THSD7B: variants seen among roughly 807,000 people sequenced by gnomAD.
THSD7B encodes thrombospondin type-1 domain-containing protein 7B.
A neutral mutation model predicts 213.6 loss-of-function variants in THSD7B; 138 were observed. The ratio of observed to expected loss-of-function variants is 0.65; its 90% CI spans 0.56 to 0.74. The LOEUF is 0.74. THSD7B is among the 30% of genes least tolerant of loss of function. The probability of loss-of-function intolerance (pLI) is 0.00; values close to 1 mark genes in which losing one functional copy is unlikely to be tolerated. For missense variants in THSD7B, 1,931 were observed against 1,991.5 expected (o/e 0.97, Z 0.58); for synonymous variants, 742 against 687.0 (o/e 1.08, Z -1.25).
intron 15 of THSD7B, among the ~76,000 whole-genome samples, chr2:137,487,374 C>CAAAAAA (rs35759254): frequency 3.6e-4 from 12 of 33,126 alleles, no homozygotes; most frequent in Admixed American, 5.1e-4. Flanking sequence ...GACTCCGTCT[C>CAAAAAA]AAAAAAAAAA....
At chr2:137,377,450 A>G (rs1685681765) in intron 12 of THSD7B, among the ~76,000 whole-genome samples, 2 of 152,144 alleles carry the variant, frequency 1.3e-5, no homozygotes, top group Non-Finnish European at 2.9e-5. Flanking sequence ...ACTTTTGGGA[A>G]AATCATTTTT....
chr2:137,597,386 C>A (rs1204704513), intron 17 of THSD7B, among the ~76,000 whole-genome samples: 3 of 151,386 alleles, frequency 2.0e-5, no homozygotes, highest in Non-Finnish European at 2.9e-5. Context: ...AATGCATTGG[C>A]TGTATGAGCC....
At chr2:136,926,817 G>T (rs1684536436) in intron 2 of THSD7B, among the ~76,000 whole-genome samples, 1 of 152,124 alleles carries the variant, frequency 6.6e-6, no homozygotes, top group Admixed American at 6.5e-5. Flanking sequence ...CAAGCTGGCT[G>T]TATTAATAGA....
Position 137,075,723 on chromosome 2 carries a change from A to G in THSD7B, c.950+18493A>G, listed in dbSNP as rs1687606890. On this transcript the variant is annotated intron_variant, in intron 3 of 27. Transcript: ENST00000409968. ...TTTTCCCATCTTTGTGGTTTTATCT[A>G]CCTTTGGTCTTTGATGATGGTGACA... Among the ~76,000 whole-genome samples the G allele has an allele frequency of 2.0e-5, 3 of 151,826 alleles. No individual in the cohort carries two copies. In the South Asian group the frequency reaches 6.2e-4, roughly 31 times the overall value.
chr2:136,841,810 A>T (rs1356925463), intron 1 of THSD7B, among the ~76,000 whole-genome samples: 1 of 152,148 alleles, frequency 6.6e-6, no homozygotes, highest in East Asian at 1.9e-4. Context: ...ACGAATCTGG[A>T]TCTCAGACTA....
Position 137,677,299 on chromosome 2 carries a change from G to A in THSD7B, c.*694G>A, listed in dbSNP as rs190601447. On this transcript the variant is annotated 3_prime_UTR_variant, in exon 28 of 28. Transcript: ENST00000409968. Reference sequence around the variant, plus strand: ...TTTCTGAAGGGAATGTGTACTGAATGTTAGAGTGTACAAATGAAATATGTG... The same window carrying A: ...TTTCTGAAGGGAATGTGTACTGAATATTAGAGTGTACAAATGAAATATGTG... 6.6e-6 allele frequency: 1 copy of A among 152,614 alleles called. No individual in the cohort carries two copies. Among genetic ancestry groups the A allele is most frequent in the Non-Finnish European group, 1.5e-5 (1 of 68,058 alleles). The allele number at this position is 152,614 out of a possible 1,614,324, so 9.5% of individuals were successfully genotyped here.
chr2:137,672,348 C>T (rs1480371706), intron 27 of THSD7B, among the ~76,000 whole-genome samples: 1 of 152,152 alleles, frequency 6.6e-6, no homozygotes, highest in African/African-American at 2.4e-5. Context: ...TTGCCTCTCC[C>T]TAGAGTTTGC....
intron 9 of THSD7B, among the ~76,000 whole-genome samples, chr2:137,237,513 G>T (rs771336055): frequency 6.6e-6 from 1 of 152,108 alleles, no homozygotes; most frequent in Admixed American, 6.5e-5. Context: ...GATTTTTAAG[G>T]CACGATACAA....
chr2:137,577,741 G>A (rs1435235532), intron 17 of THSD7B, among the ~76,000 whole-genome samples: 1 of 151,112 alleles, frequency 6.6e-6, no homozygotes, highest in East Asian at 1.9e-4. Context: ...ATCTTCCTAA[G>A]AGAGAATGAT....
chr2:137,501,510 A>G (rs1277996972), intron 15 of THSD7B, among the ~76,000 whole-genome samples: 1 of 152,158 alleles, frequency 6.6e-6, no homozygotes, highest in African/African-American at 2.4e-5. Flanking sequence ...GTTTTATACT[A>G]TGACATATTA....
At chr2:137,249,903 G>A (rs973925212) in intron 10 of THSD7B, among the ~76,000 whole-genome samples, 1 of 152,164 alleles carries the variant, frequency 6.6e-6, no homozygotes, top group Non-Finnish European at 1.5e-5. Context: ...ACATTAATTT[G>A]ACATGTGCTA....
At chr2:137,316,407 A>C (rs1305944783) in intron 12 of THSD7B, among the ~76,000 whole-genome samples, 1 of 152,252 alleles carries the variant, frequency 6.6e-6, no homozygotes, top group Admixed American at 6.5e-5. Context: ...ATTTTTGTAC[A>C]TATTTCCCAA....
chr2:136,831,480 G>C (rs1158952145), intron 1 of THSD7B, among the ~76,000 whole-genome samples: 1 of 152,132 alleles, frequency 6.6e-6, no homozygotes, highest in Non-Finnish European at 1.5e-5. Context: ...CCTCCCAGAG[G>C]CATTGTGTCT....
At chr2:136,923,116 A>G (rs1022039235) in intron 2 of THSD7B, among the ~76,000 whole-genome samples, 6 of 151,702 alleles carry the variant, frequency 4.0e-5, no homozygotes, top group Non-Finnish European at 8.8e-5. Context: ...TTCCCCTCCT[A>G]CCTCCCCACC....
intron 20 of THSD7B, among the ~76,000 whole-genome samples, chr2:137,621,287 A>G (rs780973150): frequency 6.6e-6 from 1 of 152,182 alleles, no homozygotes; most frequent in Non-Finnish European, 1.5e-5. Context: ...TTACATATAT[A>G]TTAGACAAAA....
chr2:137,495,595 C>T (rs1679542972), intron 15 of THSD7B, among the ~76,000 whole-genome samples: 1 of 152,042 alleles, frequency 6.6e-6, no homozygotes, highest in Non-Finnish European at 1.5e-5. Context: ...ATTTAAAAGA[C>T]CCAACACTCA....
Position 137,294,397 on chromosome 2 carries a change from A to T in THSD7B, c.2500+18371A>T, listed in dbSNP as rs545502410. ...CAAGAGTTCGAGACCAGCCTGGCCAACATGGTGAAACCCCGTCTCTAATAA... is the reference window on the plus strand; with the variant it reads ...CAAGAGTTCGAGACCAGCCTGGCCATCATGGTGAAACCCCGTCTCTAATAA... On this transcript the variant is annotated intron_variant, in intron 12 of 27. Coordinates refer to ENST00000409968, the MANE Select transcript of THSD7B (RefSeq NM_001316349.2). Among the ~76,000 whole-genome samples the T allele has an allele frequency of 2.0e-3, 311 of 152,072 alleles. 3 individuals are homozygous for T. The highest frequency in any genetic ancestry group is 7.1e-3 in the African/African-American group (294 of 41,504).
At chr2:137,128,653 A>G (rs1400741768) in intron 5 of THSD7B, among the ~76,000 whole-genome samples, 2 of 152,216 alleles carry the variant, frequency 1.3e-5, no homozygotes, top group East Asian at 3.9e-4. Context: ...TGTCAGTTGC[A>G]GGCCTAGGGC....
intron 12 of THSD7B, among the ~76,000 whole-genome samples, chr2:137,370,550 C>A (rs527706506): frequency 6.6e-6 from 1 of 152,296 alleles, no homozygotes; most frequent in Non-Finnish European, 1.5e-5. Flanking sequence ...CTCACTGCAA[C>A]CTCTGCCTCC....
Sources: allele counts gnomAD v4.1 joint callset (sites outside exome capture counted in the v4.1 genomes callset), GRCh38; gene constraint gnomAD v4.1.1; transcripts MANE v1.5; gene names NCBI Gene and HGNC (gene_info 2026-07-23, HGNC 2026-07-21).